RUVBL1: variants seen among roughly 807,000 people sequenced by gnomAD.
RUVBL1 encodes the protein ruvB-like 1.
A neutral mutation model predicts 52.4 loss-of-function variants in RUVBL1; 4 were observed. That is an observed-to-expected ratio of 0.08 (90% CI 0.04 to 0.17). The LOEUF (loss-of-function observed/expected upper bound fraction) is 0.17. Among genes scored for constraint, RUVBL1 ranks in the 10% least tolerant of loss-of-function variants. RUVBL1 has a pLI of 1.00. For synonymous variants in RUVBL1, 217 were observed against 214.4 expected (o/e 1.01, Z -0.10); for missense variants, 298 against 572.8 (o/e 0.52, Z 4.90).
At chr3:128,144,372 A>G (rs1944073240) in intron 1 of RUVBL1, among the ~76,000 whole-genome samples, 1 of 152,248 alleles carries the variant, frequency 6.6e-6, no homozygotes, top group Non-Finnish European at 1.5e-5. Context: ...AGAACTTTGA[A>G]CTACCTTAGT....
upstream of RUVBL1, among the ~76,000 whole-genome samples, chr3:128,125,369 A>G (rs944708672): frequency 2.0e-5 from 3 of 151,880 alleles, no homozygotes; most frequent in African/African-American, 7.3e-5. Context: ...GTTTCTATAT[A>G]CTTTTTTCTT....
chr3:128,115,769 A>T (rs1943507647), intron 2 of RUVBL1, among the ~76,000 whole-genome samples: 1 of 152,204 alleles, frequency 6.6e-6, no homozygotes, highest in East Asian at 1.9e-4. Context: ...TTTGCCTTGA[A>T]AGTTCAGAGA....
intron 3 of RUVBL1, among the ~76,000 whole-genome samples, chr3:128,105,716 T>C (rs1023266100): frequency 7.2e-5 from 11 of 152,178 alleles, no homozygotes; most frequent in Non-Finnish European, 1.2e-4. Context: ...TAATTAGGTA[T>C]CTATGTCAAC....
At chr3:128,102,434 T>C (rs962064693) in intron 4 of RUVBL1, among the ~76,000 whole-genome samples, 1 of 152,264 alleles carries the variant, frequency 6.6e-6, no homozygotes, top group African/African-American at 2.4e-5. Context: ...CTAGGACAGC[T>C]GCCTTTGTAA....
chr3:128,090,335 C>CCTGGCTAACAT (rs2107679252), intron 8 of RUVBL1, among the ~76,000 whole-genome samples: 4 of 151,788 alleles, frequency 2.6e-5, no homozygotes, highest in South Asian at 2.1e-4. Context: ...ATTGAGACCA[C>CCTGGCTAACAT]GGTGAAACCC....
intron 3 of RUVBL1, among the ~76,000 whole-genome samples, chr3:128,106,864 C>T (rs762979313): frequency 5.9e-5 from 9 of 152,148 alleles, no homozygotes; most frequent in Admixed American, 6.5e-5. Flanking sequence ...GAAATCAAGA[C>T]TACCATTAAC....
chr3:128,120,075 A>C (rs1360675312), intron 1 of RUVBL1, among the ~76,000 whole-genome samples: 1 of 152,236 alleles, frequency 6.6e-6, no homozygotes, highest in Non-Finnish European at 1.5e-5. Context: ...GCACAGTATG[A>C]GTACAAGTGG....
chr3:128,072,712 A>G (rs1333823390), intron 9 of RUVBL1, among the ~76,000 whole-genome samples: 1 of 152,152 alleles, frequency 6.6e-6, no homozygotes, highest in Admixed American at 6.5e-5. Flanking sequence ...GCCAGTATAA[A>G]TATGTTAGAA....
intron 8 of RUVBL1, among the ~76,000 whole-genome samples, chr3:128,090,784 T>C (rs1942814642): frequency 2.0e-5 from 3 of 152,318 alleles, no homozygotes; most frequent in African/African-American, 7.2e-5. Context: ...TAAGTGTTTT[T>C]TAAGTCTTAT....
At chr3:128,132,282 G>T (rs191463571) in intron 1 of RUVBL1, among the ~76,000 whole-genome samples, 86 of 152,304 alleles carry the variant, frequency 5.6e-4, no homozygotes, top group African/African-American at 2.0e-3. Context: ...AGTGCTCTGG[G>T]GTTCTACAGA....
At chr3:128,103,076 C>T (rs1943140751) in intron 4 of RUVBL1, among the ~76,000 whole-genome samples, 1 of 152,172 alleles carries the variant, frequency 6.6e-6, no homozygotes, top group Non-Finnish European at 1.5e-5. Flanking sequence ...TATTTGAGCA[C>T]CTTCTATCCA....
chr3:128,076,709 A>G (rs1180461917), downstream of RUVBL1, among the ~76,000 whole-genome samples: 2 of 151,070 alleles, frequency 1.3e-5, no homozygotes, highest in Non-Finnish European at 3.0e-5. The surrounding 1 kb of genome is among the most constrained non-coding windows in gnomAD (Gnocchi z 6.8). Context: ...CACTACATAC[A>G]CACGCGCGCG....
chr3:128,093,050 G>A (rs1314447884), intron 8 of RUVBL1, among the ~76,000 whole-genome samples: 1 of 151,968 alleles, frequency 6.6e-6, no homozygotes, highest in African/African-American at 2.4e-5. Context: ...GAAAAAAAAA[G>A]TTGTACACAA....
At chr3:128,138,397 TAGC>T (rs1490614310) in intron 1 of RUVBL1, among the ~76,000 whole-genome samples, 5 of 152,118 alleles carry the variant, frequency 3.3e-5, no homozygotes, top group African/African-American at 1.2e-4. Context: ...CAAAAATCAG[TAGC>T]ATTTCTATAT....
intron 1 of RUVBL1, 28 bp downstream of exon 1, chr3:128,123,556 C>T (rs772061688): frequency 2.6e-6 from 4 of 1,565,890 alleles, no homozygotes; most frequent in African/African-American, 1.4e-5. Context: ...TGCTTGCAGC[C>T]CCCAACTCCC....
In RUVBL1 at chr3:128,067,273, C is replaced by T; in HGVS notation, c.940-2053G>A. 1 of 1,295,740 alleles carries T rather than the reference C, an allele frequency of 7.7e-7. No individual in the cohort carries two copies. The highest frequency in any genetic ancestry group is 1.1e-6 in the Non-Finnish European group (1 of 922,150). The allele number at this position is 1,295,740 out of a possible 1,614,324, so 80.3% of individuals were successfully genotyped here. A position where few individuals can be genotyped will look rare whatever the true frequency, so the allele number is the denominator to read the frequency against. ...TTTTCCATTGTGCCTTTTACAAATT[C>T]AGCACATTAAATTATCTTTTCAGTA... On this transcript the variant is annotated intron_variant, in intron 9 of 9. Transcript: ENST00000464873. The surrounding 1 kb of genome is among the most constrained non-coding windows in gnomAD (Gnocchi z 4.1).
chr3:128,079,688 G>A (rs961238593), downstream of RUVBL1, among the ~76,000 whole-genome samples: 1 of 152,224 alleles, frequency 6.6e-6, no homozygotes, highest in East Asian at 1.9e-4. Context: ...CCAGGCCGAG[G>A]GAGAAGATTC....
intron 1 of RUVBL1, among the ~76,000 whole-genome samples, chr3:128,149,799 C>T (rs1467505628): frequency 6.6e-6 from 1 of 152,238 alleles, no homozygotes; most frequent in Non-Finnish European, 1.5e-5. Context: ...GTTGTAACAC[C>T]AATCTCAGCA....
intron 1 of RUVBL1, among the ~76,000 whole-genome samples, chr3:128,149,788 T>C (rs77223521): frequency 0.013 from 1,945 of 152,302 alleles, 26 homozygotes; most frequent in African/African-American, 0.044. Flanking sequence ...ACTTCGGTGA[T>C]GTTGTAACAC....
Sources: gnomAD v4.1 joint callset for allele counts (sites outside exome capture counted in the v4.1 genomes callset) on GRCh38, gnomAD v4.1.1 for gene constraint, Gnocchi (gnomAD v3.1) non-coding constraint, MANE v1.5 for transcripts, NCBI Gene and HGNC (gene_info 2026-07-23, HGNC 2026-07-21) for gene names.